Variants in GAS5 observed in about 807,000 individuals in gnomAD.
GAS5 encodes growth arrest specific 5.
At chr1:173,865,194 TA>T (rs528813679) in intron 6 of GAS5, 38,780 of 289,856 alleles carry the variant, frequency 0.13, no homozygotes, top group South Asian at 0.23. Context: ...GACTCTTGTC[TA>T]AAAAAAAAAA....
At chr1:173,867,097 AAG>A (rs1654839773), upstream of GAS5, 7 of 631,036 alleles carry the variant, frequency 1.1e-5, no homozygotes, top group South Asian at 3.7e-5. Flanking sequence ...CTTTTTTTTA[AAG>A]AGTGTTCTTT....
upstream of GAS5, chr1:173,867,151 A>G: frequency 1.7e-6 from 1 of 590,778 alleles, no homozygotes; most frequent in South Asian, 2.1e-5. Context: ...TGCAGGTAAC[A>G]TACCATTCAT....
intron 1 of GAS5, chr1:173,866,923 T>TA (rs764897254): frequency 9.1e-6 from 7 of 765,486 alleles, no homozygotes; most frequent in South Asian, 1.3e-5. Context: ...CCACTACTCT[T>TA]AAAGCATCAC....
upstream of GAS5, chr1:173,867,996 T>C (rs1048920653): frequency 4.3e-5 from 14 of 324,486 alleles, no homozygotes; most frequent in Non-Finnish European, 6.8e-5. Context: ...AAAGACAGTA[T>C]GGTGCCTGGG....
upstream of GAS5, chr1:173,867,116 A>AAC: frequency 1.6e-6 from 1 of 609,816 alleles, no homozygotes; most frequent in South Asian, 2.0e-5. Flanking sequence ...CTTTAAAAAA[A>AAC]CGGTTCGTCT....
upstream of GAS5, chr1:173,867,780 C>T (rs768681108): frequency 1.9e-6 from 1 of 519,172 alleles, no homozygotes; most frequent in Non-Finnish European, 3.8e-6. Context: ...CAGTTCTACT[C>T]TAACATAGTC....
At chr1:173,865,120 A>G in intron 6 of GAS5, 1 of 342,430 alleles carries the variant, frequency 2.9e-6, no homozygotes, top group Non-Finnish European at 5.7e-6. Flanking sequence ...AATTCCTTGA[A>G]CCTGGGAGGC....
intron 7 of GAS5, chr1:173,863,948 T>A (rs1358311689): frequency 1.1e-5 from 3 of 280,916 alleles, no homozygotes; most frequent in Non-Finnish European, 2.2e-5. Flanking sequence ...TTAATCTTCT[T>A]GTGCCATGAG....
chr1:173,865,194 TAAAA>T (rs528813679), intron 6 of GAS5: 31 of 295,662 alleles, frequency 1.0e-4, no homozygotes, highest in South Asian at 1.9e-4. Flanking sequence ...GACTCTTGTC[TAAAA>T]AAAAAAAAAA....
At chr1:173,865,696 T>A in intron 5 of GAS5, 2 of 519,230 alleles carry the variant, frequency 3.9e-6, no homozygotes, top group South Asian at 2.8e-5. Flanking sequence ...CAAACCCCGT[T>A]CCAAACATGC....
chr1:173,867,847 G>C (rs1000607514), upstream of GAS5: 1 of 486,004 alleles, frequency 2.1e-6, no homozygotes, highest in Non-Finnish European at 4.2e-6. Flanking sequence ...TCAACTTGTA[G>C]GCCCTGCAAA....
upstream of GAS5, chr1:173,867,084 GTTC>G (rs1402760724): frequency 2.9e-5 from 19 of 652,530 alleles, no homozygotes; most frequent in African/African-American, 1.1e-4. Context: ...TTGTTCCACG[GTTC>G]TTTTTTTTAA....
chr1:173,864,921 TA>T, intron 6 of GAS5: 3 of 517,072 alleles, frequency 5.8e-6, no homozygotes, highest in Non-Finnish European at 1.2e-5. Flanking sequence ...TTACAACACT[TA>T]AAAACCAGAC....
upstream of GAS5, chr1:173,868,963 C>G (rs933540598): frequency 1.3e-5 from 2 of 152,686 alleles, no homozygotes; most frequent in Non-Finnish European, 2.9e-5. Context: ...GAAAGACTTT[C>G]CTCCAGGGGC....
At chr1:173,868,701 CCCG>C, upstream of GAS5, 2 of 153,058 alleles carry the variant, frequency 1.3e-5, no homozygotes, top group Non-Finnish European at 1.5e-5. Flanking sequence ...CAGCTCCCCG[CCCG>C]CCGCCGCCTG....
At chr1:173,865,582 A>C (rs775449543) in intron 5 of GAS5, 2 of 518,934 alleles carry the variant, frequency 3.9e-6, no homozygotes, top group South Asian at 2.8e-5. Flanking sequence ...TTAAAATGCT[A>C]AACATCATTA....
chr1:173,865,923 CCA>C (rs1412534121), intron 4 of GAS5: 1 of 519,188 alleles, frequency 1.9e-6, no homozygotes, highest in Non-Finnish European at 3.8e-6. Context: ...CTTAGAATAG[CCA>C]CAGATGAGTG....
chr1:173,864,945 A>G (rs1288793476), intron 6 of GAS5: 1 of 514,718 alleles, frequency 1.9e-6, no homozygotes, highest in Non-Finnish European at 3.9e-6. Flanking sequence ...GAGGCGGGGC[A>G]TGGTGGCTCA....
At chr1:173,867,655 T>C (rs969933703), upstream of GAS5, 1 of 518,812 alleles carries the variant, frequency 1.9e-6, no homozygotes, top group African/African-American at 1.9e-5. Context: ...AATAGCTTAC[T>C]CGGGTGACTC....
Sources: allele counts gnomAD v4.1 joint callset, GRCh38; gene constraint gnomAD v4.1.1; transcripts MANE v1.5; gene names NCBI Gene and HGNC (gene_info 2026-07-23, HGNC 2026-07-21).